TRIM2: variants seen among roughly 807,000 people sequenced by gnomAD.
TRIM2 encodes tripartite motif containing 2, also known as tripartite motif-containing protein 2.
Under a neutral mutation model 75.2 loss-of-function variants are expected in TRIM2, and 20 were observed. The ratio of observed to expected loss-of-function variants is 0.27; its 90% CI spans 0.19 to 0.39. TRIM2 has a LOEUF of 0.39. Ranked by LOEUF, TRIM2 falls within the 10% of genes least tolerant of loss-of-function variation. The pLI, the probability that TRIM2 is intolerant of heterozygous loss-of-function variation, is 1.00. For missense variants in TRIM2, 660 were observed against 990.8 expected, an observed-to-expected ratio of 0.67 and a Z score of 4.48; for synonymous variants, 373 against 388.3, an observed-to-expected ratio of 0.96 and a Z score of 0.46.
At position 153,295,532 on chromosome 4, in the gene TRIM2, A is replaced by C; in HGVS notation, c.1006A>C (p.Lys336Gln). 6.2e-7 allele frequency: 1 copy of C among 1,613,570 alleles called. No homozygotes were observed. The highest frequency in any genetic ancestry group is 1.3e-5 in the African/African-American group (1 of 75,018). The part of the protein sequence containing the change: ...LDFIVETEGL[K>Q]KSIHNLGTIL... ...TTTCATCGTGGAAACCGAGGGGCTG[A>C]AGAAGTCCATCCACAACCTCGGGAC... The change falls in exon 6 of 12, where the codon AAG (lysine) becomes CAG (glutamine). Residue 336 changes from lysine to glutamine, a missense_variant. Physicochemically the swap from Lys to Gln is moderately conservative, Grantham distance 53 (BLOSUM62 1). This residue lies in a region of TRIM2 where 620 missense variants were observed against 891.0 expected (regional missense o/e 0.70). Coordinates refer to ENST00000338700, the MANE Select transcript of TRIM2 (RefSeq NM_015271.5). The surrounding 1 kb of genome is among the most constrained non-coding windows in gnomAD (Gnocchi z 7.2).
At chr4:153,172,898 C>G (rs1731028833) in intron 1 of TRIM2, among the ~76,000 whole-genome samples, 1 of 152,178 alleles carries the variant, frequency 6.6e-6, no homozygotes, top group South Asian at 2.1e-4. Flanking sequence ...GCCAGAGAAA[C>G]AAGCACACTG....
At chr4:153,185,030 C>T (rs1446526519) in intron 1 of TRIM2, among the ~76,000 whole-genome samples, 2 of 152,168 alleles carry the variant, frequency 1.3e-5, no homozygotes, top group African/African-American at 4.8e-5. Context: ...TTCCAGATAC[C>T]GTTTTCTAGG....
At chr4:153,310,607 ACACT>A (rs1245005948) in intron 6 of TRIM2, among the ~76,000 whole-genome samples, 3 of 152,210 alleles carry the variant, frequency 2.0e-5, no homozygotes, top group African/African-American at 7.2e-5. Context: ...CAGGAGTAAC[ACACT>A]GATTCTGCTG....
intron 1 of TRIM2, among the ~76,000 whole-genome samples, chr4:153,249,231 G>T (rs1750149221): frequency 6.6e-6 from 1 of 152,252 alleles, no homozygotes. Flanking sequence ...ATACCGGCGC[G>T]CAATCGCCAT....
chr4:153,183,184 G>A (rs1732247685), intron 1 of TRIM2, among the ~76,000 whole-genome samples: 1 of 152,220 alleles, frequency 6.6e-6, no homozygotes, highest in Admixed American at 6.5e-5. Flanking sequence ...GTGCAGAGCT[G>A]CCTCTCTCCT....
intron 1 of TRIM2, among the ~76,000 whole-genome samples, chr4:153,170,526 T>C (rs766258044): frequency 7.2e-5 from 11 of 152,144 alleles, no homozygotes; most frequent in Non-Finnish European, 1.5e-4. Flanking sequence ...AAAAAAATCC[T>C]GCAGTTATGC....
At chr4:153,276,960 A>G (rs1390543218) in intron 3 of TRIM2, among the ~76,000 whole-genome samples, 1 of 152,354 alleles carries the variant, frequency 6.6e-6, no homozygotes, top group Admixed American at 6.5e-5. Context: ...ACATTTTTTC[A>G]TTAATTACTT....
intron 1 of TRIM2, among the ~76,000 whole-genome samples, chr4:153,219,230 A>G (rs1400383307): frequency 6.6e-6 from 1 of 152,204 alleles, no homozygotes; most frequent in Non-Finnish European, 1.5e-5. Context: ...CCAAAGTTTC[A>G]GAGTGCCATG....
At chr4:153,277,980 G>GT (rs1298689980) in intron 3 of TRIM2, among the ~76,000 whole-genome samples, 1 of 152,230 alleles carries the variant, frequency 6.6e-6, no homozygotes, top group African/African-American at 2.4e-5. Context: ...CTAAATACTA[G>GT]TTATGGGAAG....
upstream of TRIM2, among the ~76,000 whole-genome samples, chr4:153,200,815 T>C (rs1384848712): frequency 2.0e-5 from 3 of 149,526 alleles, no homozygotes; most frequent in East Asian, 3.9e-4. Context: ...TTTTCCTTAT[T>C]ATTGTTATTA....
chr4:153,280,060 C>T (rs1335429822), intron 3 of TRIM2, among the ~76,000 whole-genome samples: 1 of 151,242 alleles, frequency 6.6e-6, no homozygotes, highest in African/African-American at 2.4e-5. Context: ...GGTGATAAAG[C>T]GAGACCCTGC....
intron 1 of TRIM2, among the ~76,000 whole-genome samples, chr4:153,223,709 G>T (rs1469263489): frequency 1.3e-5 from 2 of 152,162 alleles, no homozygotes; most frequent in Admixed American, 1.3e-4. Flanking sequence ...AATTCGTTCC[G>T]ACCTGTAATC....
chr4:153,286,552 T>TTTCTTCATGTCAGTTTCTTCATGTC (rs1560950540), intron 3 of TRIM2, among the ~76,000 whole-genome samples: 3 of 152,222 alleles, frequency 2.0e-5, no homozygotes, highest in African/African-American at 7.2e-5. Flanking sequence ...TCAGTTTTGA[T>TTTCTTCATGTCAGTTTCTTCATGTC]AGTTTGTGTG....
In TRIM2 at chr4:153,179,371, ATAT is replaced by A. The variant is rs201069839; in HGVS notation, c.-49+26109_-49+26111del. Among the ~76,000 whole-genome samples the A allele has an allele frequency of 8.1e-3, 1,226 of 150,944 alleles. 16 individuals are homozygous for A. The highest frequency in any genetic ancestry group is 0.027 in the African/African-American group (1,123 of 41,384). On this transcript the variant is annotated intron_variant, in intron 1 of 11. Coordinates refer to the TRIM2 transcript ENST00000437508. ...TATTAAAATTAATATTTAATGTTAA[ATAT>A]TATTATTTGATTATTAATAAAATAA...
intron 1 of TRIM2, among the ~76,000 whole-genome samples, chr4:153,252,217 T>C (rs889124648): frequency 6.6e-6 from 1 of 152,162 alleles, no homozygotes; most frequent in Admixed American, 6.6e-5. Flanking sequence ...CCTCTTCTAG[T>C]TGGTTATATC....
intron 1 of TRIM2, among the ~76,000 whole-genome samples, chr4:153,249,664 C>T (rs1351927378): frequency 6.6e-6 from 1 of 152,022 alleles, no homozygotes; most frequent in East Asian, 1.9e-4. Flanking sequence ...CCTCCACCAG[C>T]TCAGTCGCCC....
At chr4:153,211,189 G>A (rs186391451) in intron 1 of TRIM2, among the ~76,000 whole-genome samples, 1 of 152,184 alleles carries the variant, frequency 6.6e-6, no homozygotes, top group African/African-American at 2.4e-5. Context: ...TTGGGGGCAG[G>A]GTCCTTGAGG....
chr4:153,208,798 C>T (rs989162088), intron 1 of TRIM2, among the ~76,000 whole-genome samples: 6 of 152,136 alleles, frequency 3.9e-5, no homozygotes, highest in Non-Finnish European at 5.9e-5. Context: ...GCATCCATCC[C>T]GATGGAGGTT....
At chr4:153,221,182 C>T (rs949067088) in intron 1 of TRIM2, among the ~76,000 whole-genome samples, 1 of 152,170 alleles carries the variant, frequency 6.6e-6, no homozygotes, top group Non-Finnish European at 1.5e-5. Context: ...AGTACTGACA[C>T]ATGCTACGTG....
Sources: allele counts gnomAD v4.1 joint callset (sites outside exome capture counted in the v4.1 genomes callset), GRCh38; gene constraint gnomAD v4.1.1; regional missense constraint gnomAD v4.1.1; non-coding constraint Gnocchi (gnomAD v3.1); transcripts MANE v1.5; gene names NCBI Gene and HGNC (gene_info 2026-07-23, HGNC 2026-07-21).